Variants in CCNA2 observed in about 807,000 individuals in gnomAD.
The protein encoded by CCNA2 is cyclin A2, also known as cyclin-A2.
CCNA2 carries 3 observed loss-of-function variants against 49.4 expected under a neutral mutation model. The observed-to-expected ratio is 0.06, with a 90% confidence interval of 0.03 to 0.16. The LOEUF (loss-of-function observed/expected upper bound fraction) is 0.16, where lower values mean the gene tolerates loss of function less well. Among genes scored for constraint, CCNA2 ranks in the 10% least tolerant of loss-of-function variants. The pLI is 1.00. For missense variants in CCNA2, 372 were observed against 519.7 expected (o/e 0.72, Z 2.76); for synonymous variants, 206 against 197.2 (o/e 1.04, Z -0.37).
Position 121,820,865 on chromosome 4 carries a change from TAACTG to T in CCNA2, c.571-105_571-101del. On this transcript the variant is annotated intron_variant, in intron 3 of 7. Coordinates refer to ENST00000274026, the MANE Select transcript of CCNA2 (RefSeq NM_001237.5). The surrounding 1 kb of genome is among the most constrained non-coding windows in gnomAD (Gnocchi z 4.1). ...TACGAGAGGCTACATGCTATAAACT[TAACTG>T]TAGCATTAGAATAATTCATTAGTTT... is the stretch of plus-strand genomic sequence containing the variant. 1 of 1,237,934 alleles carries T rather than the reference TAACTG, an allele frequency of 8.1e-7. No homozygotes were observed. Among genetic ancestry groups the T allele is most frequent in the African/African-American group, 1.5e-5 (1 of 66,410 alleles). The allele number at this position is 1,237,934 out of a possible 1,614,324, so 76.7% of individuals were successfully genotyped here. A position where few individuals can be genotyped will look rare whatever the true frequency, so the allele number is the denominator to read the frequency against.
In CCNA2 at chr4:121,823,874, G is replaced by A. The variant is rs1724770945; in HGVS notation, c.-246C>T. The A allele has an allele frequency of 2.0e-5, 12 of 598,080 alleles. No individual in the cohort carries two copies. Among genetic ancestry groups the A allele is most frequent in the Non-Finnish European group, 1.1e-5 (4 of 365,778 alleles). The allele number at this position is 598,080 out of a possible 1,614,324, so 37.0% of individuals were successfully genotyped here. ...CCAAAGACGCCCAGAGATGCAGCGA[G>A]CAGCCCGCCGGAGCGGCGGCTGTTC... is the stretch of plus-strand genomic sequence containing the variant. On this transcript the variant is annotated 5_prime_UTR_variant, in exon 1 of 8. Coordinates refer to ENST00000274026, the MANE Select transcript of CCNA2 (RefSeq NM_001237.5).
chr4:121,822,707 T>TGTTG, intron 1 of CCNA2, 61 bp from the exon 2 acceptor site: 1 of 1,530,716 alleles, frequency 6.5e-7, no homozygotes, highest in Non-Finnish European at 8.8e-7. Flanking sequence ...CTCTTATGGG[T>TGTTG]GTTGGCCTTT....
chr4:121,822,308 A>G (rs905086839), intron 2 of CCNA2, 95 bp downstream of exon 2: 22 of 1,258,922 alleles, frequency 1.7e-5, no homozygotes, highest in Non-Finnish European at 2.4e-5. Flanking sequence ...ACTATAGTCA[A>G]AATGACTACA....
Position 121,822,526 on chromosome 4 carries a change from T to G in CCNA2, c.334A>C (p.Lys112Gln). 1 of 1,614,194 alleles carries G rather than the reference T, an allele frequency of 6.2e-7. No individual in the cohort carries two copies. Among genetic ancestry groups the G allele is most frequent in the Non-Finnish European group, 8.5e-7 (1 of 1,180,036 alleles). ...HVDEAEKEAQ[K>Q]KPAESQKIER... ...ATTTTTTGAGATTCAGCTGGCTTCT[T>G]CTGAGCTTCTTTTTCTGCTTCATCC... is the stretch of plus-strand genomic sequence containing the variant. Residue 112 changes from lysine to glutamine, a missense_variant, in exon 2 of 8, where the codon AAG (lysine) becomes CAG (glutamine). Lys to Gln is a moderately conservative substitution (Grantham distance 53). Around this residue, in one of 2 missense-constraint regions of CCNA2, gnomAD observed 217 missense variants for 231.7 expected, o/e 0.94. Coordinates refer to ENST00000274026, the MANE Select transcript of CCNA2 (RefSeq NM_001237.5).
At chr4:121,817,983 G>C in intron 7 of CCNA2, 61 bp downstream of exon 7, 1 of 1,490,322 alleles carries the variant, frequency 6.7e-7, no homozygotes, top group Non-Finnish European at 9.2e-7. Context: ...AGGTTAAAAT[G>C]TCAAAGATCT....
chr4:121,823,262 T>C (rs1724740640), intron 1 of CCNA2, among the ~76,000 whole-genome samples, 154 bp downstream of exon 1: 1 of 152,168 alleles, frequency 6.6e-6, no homozygotes, highest in South Asian at 2.1e-4. Flanking sequence ...GAACTCCTAC[T>C]GTGGCAAACC....
In CCNA2 at chr4:121,817,684, T is replaced by C; in HGVS notation, c.1253A>G (p.Tyr418Cys). The change falls in exon 8 of 8, where the codon TAT (tyrosine) becomes TGT (cysteine). Residue 418 changes from tyrosine to cysteine, a missense_variant and splice_region_variant. This residue lies in a region of CCNA2 where 155 missense variants were observed against 288.1 expected (regional missense o/e 0.54). Transcript: ENST00000274026. ...TGGGTTGAGGAGAGAAACACCATGA[T>C]ACCTGTAAGTAGGGAAAAAAAAAGC... ...SIREKYKNSK[Y>C]HGVSLLNPPE... 1 of 1,613,830 alleles carries C rather than the reference T, an allele frequency of 6.2e-7. No homozygotes were observed. Among genetic ancestry groups the C allele is most frequent in the African/African-American group, 1.3e-5 (1 of 74,972 alleles).
chr4:121,822,595 G>A lies in CCNA2; in HGVS notation c.265C>T (p.Pro89Ser). 1 of 1,614,094 alleles carries A rather than the reference G, an allele frequency of 6.2e-7. No individual in the cohort carries two copies. The highest frequency in any genetic ancestry group is 8.5e-7 in the Non-Finnish European group (1 of 1,180,018). The change falls in exon 2 of 8, where the codon CCT becomes TCT. Residue 89 changes from proline (P) to serine (S), a missense_variant. Transcript: ENST00000274026. ...PVNDEHVTVP[P>S]WKANSKQPAF... Reference sequence around the variant, plus strand: ...GGCTGTTTACTGTTTGCTTTCCAAGGAGGAACGGTGACATGCTCATCATTT... The same window carrying A: ...GGCTGTTTACTGTTTGCTTTCCAAGAAGGAACGGTGACATGCTCATCATTT...
intron 1 of CCNA2, 43 bp downstream of exon 1, chr4:121,823,373 C>T (rs1465035087): frequency 3.2e-6 from 5 of 1,563,956 alleles, no homozygotes; most frequent in African/African-American, 2.7e-5. Flanking sequence ...AATGCCAAAC[C>T]CTGCTCGACC....
chr4:121,816,575 C>A lies in CCNA2; in HGVS notation c.*1063G>T, dbSNP rs1724521604. The A allele has an allele frequency of 5.0e-6, 4 of 794,272 alleles. No individual in the cohort carries two copies. Among genetic ancestry groups the A allele is most frequent in the South Asian group, 2.2e-5 (1 of 44,612 alleles). The allele number at this position is 794,272 out of a possible 1,614,324, so 49.2% of individuals were successfully genotyped here. On this transcript the variant is annotated 3_prime_UTR_variant, in exon 8 of 8. Transcript: ENST00000274026. Reference sequence around the variant, plus strand: ...AAGACATCCCTTTTTCATTAGAGATCCATCTGTTCTGTGATTTTTTTACCT... The same window carrying A: ...AAGACATCCCTTTTTCATTAGAGATACATCTGTTCTGTGATTTTTTTACCT...
At chr4:121,819,139 C>CT (rs1472395730) in intron 5 of CCNA2, among the ~76,000 whole-genome samples, 1 of 152,180 alleles carries the variant, frequency 6.6e-6, no homozygotes, top group Non-Finnish European at 1.5e-5. Flanking sequence ...ACTCTTCTGA[C>CT]TACCCATCCC....
intron 5 of CCNA2, 70 bp from the exon 6 acceptor site, chr4:121,818,983 CTAAT>C: frequency 2.0e-6 from 2 of 1,001,608 alleles, no homozygotes; most frequent in Non-Finnish European, 3.1e-6. Context: ...GCCTTCTAAC[CTAAT>C]TTTTTCCTGC....
Position 121,823,795 on chromosome 4 carries a change from G to T in CCNA2, c.-167C>A. The T allele has an allele frequency of 1.5e-6, 2 of 1,303,188 alleles. No homozygotes were observed. Among genetic ancestry groups the T allele is most frequent in the Non-Finnish European group, 2.0e-6 (2 of 983,804 alleles). 80.7% of individuals were successfully genotyped at this position (1,303,188 alleles called of 1,614,324 possible). A position where few individuals can be genotyped will look rare whatever the true frequency, so the allele number is the denominator to read the frequency against. On this transcript the variant is annotated 5_prime_UTR_variant, in exon 1 of 8. Transcript: ENST00000274026. ...GCTCGCTCACCCAGCTCGAGACCAC[G>T]CAGGGCCGAGGAGGTTGCGAAAGGC...
At position 121,816,768 on chromosome 4, in the gene CCNA2, A is replaced by C; in HGVS notation, c.*870T>G. On this transcript the variant is annotated 3_prime_UTR_variant, in exon 8 of 8. Coordinates refer to ENST00000274026, the MANE Select transcript of CCNA2 (RefSeq NM_001237.5). ...AGTAAATTCTTACTTTGCTTTATTC[A>C]CAGAACACAGACCACCAGTGCAAAA... 6.3e-7 allele frequency: 1 copy of C among 1,579,238 alleles called. No homozygotes were observed. Among genetic ancestry groups the C allele is most frequent in the Non-Finnish European group, 8.6e-7 (1 of 1,167,576 alleles).
At chr4:121,818,294 C>G (rs778847086) in intron 6 of CCNA2, 117 bp from the exon 7 acceptor site, 1 of 909,622 alleles carries the variant, frequency 1.1e-6, no homozygotes, top group Non-Finnish European at 1.7e-6. Context: ...ACTTTTCCAA[C>G]TACTAGTTTT....
chr4:121,817,551 A>T lies in CCNA2; in HGVS notation c.*87T>A. 1 of 1,517,340 alleles carries T rather than the reference A, an allele frequency of 6.6e-7. No homozygotes were observed. Among genetic ancestry groups the T allele is most frequent in the Non-Finnish European group, 9.0e-7 (1 of 1,109,008 alleles). 94.0% of individuals were successfully genotyped at this position (1,517,340 alleles called of 1,614,324 possible). A position where few individuals can be genotyped will look rare whatever the true frequency, so the allele number is the denominator to read the frequency against. ...GCCACAACTTCTGTATTCAGAAATGATTGTAAAATTAAAACCTAAGTTAAA... is the reference window on the plus strand; with the variant it reads ...GCCACAACTTCTGTATTCAGAAATGTTTGTAAAATTAAAACCTAAGTTAAA... On this transcript the variant is annotated 3_prime_UTR_variant, in exon 8 of 8. Transcript: ENST00000274026.
Position 121,823,497 on chromosome 4 carries a change from C to T in CCNA2, c.132G>A (p.Pro44=). The T allele has an allele frequency of 6.2e-7, 1 of 1,613,384 alleles. No individual in the cohort carries two copies. Among genetic ancestry groups the T allele is most frequent in the Non-Finnish European group, 8.5e-7 (1 of 1,179,824 alleles). Residue 44 remains proline (P), a synonymous_variant, in exon 1 of 8, where the codon CCG becomes CCA. Transcript: ENST00000274026. The part of the protein sequence containing the change: ...NPEKAAPVQQ[P]RTRAALAVLK... ...GTACCGCCAGCGCGGCCCGGGTCCG[C>T]GGTTGTTGGACGGGCGCTGCCTTTT...
Position 121,822,543 on chromosome 4 carries a change from G to T in CCNA2, c.317C>A (p.Ala106Glu). 6.2e-7 allele frequency: 1 copy of T among 1,614,074 alleles called. No individual in the cohort carries two copies. The highest frequency in any genetic ancestry group is 8.5e-7 in the Non-Finnish European group (1 of 1,180,014). ...TGGCTTCTTCTGAGCTTCTTTTTCT[G>T]CTTCATCCACATGAATGGTGAACGC... ...QPAFTIHVDE[A>E]EKEAQKKPAE... is the part of the protein sequence containing the mutation. Residue 106 changes from alanine to glutamate, a missense_variant, in exon 2 of 8, where the codon GCA (alanine) becomes GAA (glutamate). Ala to Glu is a moderately radical substitution (Grantham distance 107). Around this residue, in one of 2 missense-constraint regions of CCNA2, gnomAD observed 217 missense variants for 231.7 expected, o/e 0.94. Coordinates refer to ENST00000274026, the MANE Select transcript of CCNA2 (RefSeq NM_001237.5).
intron 1 of CCNA2, among the ~76,000 whole-genome samples, chr4:121,823,212 A>T (rs1425322160): frequency 6.6e-6 from 1 of 152,104 alleles, no homozygotes; most frequent in African/African-American, 2.4e-5. Context: ...GACCGGCAGC[A>T]TACACACAGT....
Sources: gnomAD v4.1 joint callset for allele counts (sites outside exome capture counted in the v4.1 genomes callset) on GRCh38, gnomAD v4.1.1 for gene constraint, gnomAD v4.1.1 regional missense constraint, Gnocchi (gnomAD v3.1) non-coding constraint, MANE v1.5 for transcripts, NCBI Gene and HGNC (gene_info 2026-07-23, HGNC 2026-07-21) for gene names.